The following FAM227B variants were observed in gnomAD, a reference collection of about 807,000 sequenced individuals.
FAM227B encodes the protein family with sequence similarity 227 member B.
FAM227B carries 88 observed loss-of-function variants against 73.8 expected under a neutral mutation model. The observed-to-expected ratio is 1.19, with a 90% confidence interval of 1.00 to 1.42. FAM227B has a LOEUF of 1.42. FAM227B is among the 40% of genes most tolerant of loss of function. The pLI, the probability that FAM227B is intolerant of heterozygous loss-of-function variation, is 0.00. For synonymous variants in FAM227B, 210 were observed against 190.5 expected (o/e 1.10, Z -0.84); for missense variants, 632 against 590.9 (o/e 1.07, Z -0.72).
intron 9 of FAM227B, among the ~76,000 whole-genome samples, chr15:49,567,373 A>C (rs1186185616): frequency 6.6e-6 from 1 of 152,124 alleles, no homozygotes; most frequent in South Asian, 2.1e-4. Context: ...TGCTGAGATC[A>C]CCCAGGTAAT....
intron 11 of FAM227B, among the ~76,000 whole-genome samples, chr15:49,471,293 T>C (rs2054724189): frequency 6.6e-6 from 1 of 151,730 alleles, no homozygotes. Flanking sequence ...GAGACTAGCC[T>C]GGCTAACATG....
intron 11 of FAM227B, among the ~76,000 whole-genome samples, chr15:49,406,131 G>C (rs953892263): frequency 6.6e-6 from 1 of 152,192 alleles, no homozygotes. Context: ...GGGGAGCTGA[G>C]TTGCTCCCAG....
intron 3 of FAM227B, among the ~76,000 whole-genome samples, chr15:49,590,912 C>A (rs888604790): frequency 6.6e-6 from 1 of 151,942 alleles, no homozygotes; most frequent in African/African-American, 2.4e-5. Context: ...GAGATCATGC[C>A]ACAGTTGCCT....
intron 13 of FAM227B, among the ~76,000 whole-genome samples, chr15:49,360,535 C>T (rs1179420695): frequency 6.6e-6 from 1 of 150,828 alleles, no homozygotes; most frequent in Non-Finnish European, 1.5e-5. Context: ...AGCTTAGTCT[C>T]AACACATAAA....
chr15:49,569,740 T>C (rs1242396762), intron 8 of FAM227B, among the ~76,000 whole-genome samples: 2 of 151,988 alleles, frequency 1.3e-5, no homozygotes, highest in South Asian at 2.1e-4. Context: ...TTATTCCTCC[T>C]GTCTCACTGA....
chr15:49,555,598 T>A (rs971127858), intron 9 of FAM227B, among the ~76,000 whole-genome samples: 8 of 152,362 alleles, frequency 5.3e-5, no homozygotes, highest in African/African-American at 1.9e-4. Context: ...GCCTCTCTAG[T>A]GAGGGTGGGT....
At chr15:49,545,805 G>C (rs1054983209) in intron 9 of FAM227B, among the ~76,000 whole-genome samples, 3 of 151,950 alleles carry the variant, frequency 2.0e-5, no homozygotes, top group Middle Eastern at 3.2e-3. Context: ...TCATTTTGAG[G>C]GTTCCTTTTG....
At chr15:49,537,677 G>A (rs1272698050) in intron 10 of FAM227B, among the ~76,000 whole-genome samples, 3 of 152,110 alleles carry the variant, frequency 2.0e-5, no homozygotes, top group Non-Finnish European at 4.4e-5. Flanking sequence ...AGTGCTTACT[G>A]ATTGATGAAT....
At chr15:49,497,827 T>C (rs1290484606) in intron 11 of FAM227B, among the ~76,000 whole-genome samples, 1 of 152,248 alleles carries the variant, frequency 6.6e-6, no homozygotes, top group Non-Finnish European at 1.5e-5. Context: ...TTTAGAGGTT[T>C]AGAAATTCTG....
At chr15:49,484,287 T>G in intron 11 of FAM227B, 1 of 1,501,564 alleles carries the variant, frequency 6.7e-7, no homozygotes, top group Non-Finnish European at 9.1e-7. Context: ...GGATAATGTC[T>G]GTTTGTTTGT....
intron 11 of FAM227B, among the ~76,000 whole-genome samples, chr15:49,412,332 G>A (rs1043446285): frequency 6.6e-6 from 1 of 151,920 alleles, no homozygotes; most frequent in African/African-American, 2.4e-5. Flanking sequence ...AATACAGGGT[G>A]GTGTTATAAT....
At chr15:49,497,427 T>C (rs1208790449) in intron 11 of FAM227B, among the ~76,000 whole-genome samples, 1 of 152,184 alleles carries the variant, frequency 6.6e-6, no homozygotes, top group Non-Finnish European at 1.5e-5. Context: ...CAAGCCCCTT[T>C]GCAATGATTT....
chr15:49,551,667 T>A lies in FAM227B; in HGVS notation c.748-9861A>T, dbSNP rs560379209. 3.3e-5 allele frequency among the ~76,000 whole-genome samples: 5 copies of A among 152,200 alleles called. No homozygotes were observed. In the East Asian group the frequency reaches 9.6e-4, roughly 29 times the overall value. ...TTCTTGTTCTGTGTTCTTCTCTTCC[T>A]TCTTTCTTTGCTCCTGTCTTACTGT... is the stretch of plus-strand genomic sequence containing the variant. On this transcript the variant is annotated intron_variant, in intron 9 of 15. Coordinates refer to ENST00000299338, the MANE Select transcript of FAM227B (RefSeq NM_152647.3).
chr15:49,573,858 C>G (rs2075279927), intron 8 of FAM227B, among the ~76,000 whole-genome samples: 1 of 152,152 alleles, frequency 6.6e-6, no homozygotes, highest in Non-Finnish European at 1.5e-5. Flanking sequence ...ATTCTACCAA[C>G]TATTCAAAGA....
chr15:49,507,512 G>T (rs1024129891), intron 11 of FAM227B, among the ~76,000 whole-genome samples: 2 of 152,072 alleles, frequency 1.3e-5, no homozygotes, highest in Non-Finnish European at 2.9e-5. Flanking sequence ...CACGAGACCT[G>T]AGCATTAGAC....
intron 11 of FAM227B, among the ~76,000 whole-genome samples, chr15:49,382,983 G>A (rs2046638033): frequency 6.6e-6 from 1 of 152,086 alleles, no homozygotes; most frequent in East Asian, 1.9e-4. Flanking sequence ...ATGTAAATCG[G>A]TTCATTTAAC....
chr15:49,400,757 T>C (rs948478961), intron 11 of FAM227B, among the ~76,000 whole-genome samples: 2 of 151,214 alleles, frequency 1.3e-5, no homozygotes, highest in Admixed American at 1.3e-4. Flanking sequence ...GGGAAAGGAT[T>C]CCCTATTTAA....
At chr15:49,553,748 C>A (rs2073319930) in intron 9 of FAM227B, among the ~76,000 whole-genome samples, 1 of 152,172 alleles carries the variant, frequency 6.6e-6, no homozygotes, top group African/African-American at 2.4e-5. Flanking sequence ...GCTCTTAAAT[C>A]AGCTCTTGTT....
chr15:49,367,284 C>T (rs570660338), intron 13 of FAM227B, among the ~76,000 whole-genome samples, 164 bp downstream of exon 13: 1 of 151,970 alleles, frequency 6.6e-6, no homozygotes, highest in African/African-American at 2.4e-5. Flanking sequence ...TAAAGAAAAG[C>T]CAAACATACT....
Sources: gnomAD v4.1 joint callset for allele counts (sites outside exome capture counted in the v4.1 genomes callset) on GRCh38, gnomAD v4.1.1 for gene constraint, MANE v1.5 for transcripts, NCBI Gene and HGNC (gene_info 2026-07-23, HGNC 2026-07-21) for gene names.